Variants in FARS2 observed in about 807,000 individuals in gnomAD.
FARS2 encodes phenylalanine--tRNA ligase, mitochondrial.
FARS2 carries 40 observed loss-of-function variants against 46.4 expected under a neutral mutation model. That is an observed-to-expected ratio of 0.86 (90% CI 0.67 to 1.12). The LOEUF is 1.12. Among genes scored for constraint, FARS2 ranks in the 50% most tolerant of loss-of-function variants. FARS2 has a pLI of 0.00. For missense variants in FARS2, 513 were observed against 567.9 expected (o/e 0.90, Z 0.98); for synonymous variants, 234 against 214.9 (o/e 1.09, Z -0.78).
intron 6 of FARS2, among the ~76,000 whole-genome samples, chr6:5,756,067 A>G (rs1254871294): frequency 1.3e-5 from 2 of 152,186 alleles, no homozygotes; most frequent in Admixed American, 6.5e-5. Context: ...TAGAATACCC[A>G]CACCGGGCAG....
At chr6:5,528,666 A>AGG (rs1769625612) in intron 4 of FARS2, among the ~76,000 whole-genome samples, 2 of 152,218 alleles carry the variant, frequency 1.3e-5, no homozygotes, top group Admixed American at 1.3e-4. Flanking sequence ...TGGAAAAGCC[A>AGG]GGCACTTATG....
At chr6:5,425,113 A>T (rs1337548212) in intron 3 of FARS2, among the ~76,000 whole-genome samples, 2 of 152,210 alleles carry the variant, frequency 1.3e-5, no homozygotes, top group Non-Finnish European at 2.9e-5. Context: ...GTGTCAACTG[A>T]GGGAAAATCT....
At chr6:5,719,733 G>C (rs1415452050) in intron 6 of FARS2, among the ~76,000 whole-genome samples, 1 of 152,186 alleles carries the variant, frequency 6.6e-6, no homozygotes, top group Non-Finnish European at 1.5e-5. Context: ...ACAGAGAGAA[G>C]GTACATCTTA....
intron 4 of FARS2, among the ~76,000 whole-genome samples, chr6:5,493,760 A>G (rs1168965132): frequency 6.6e-6 from 1 of 152,262 alleles, no homozygotes; most frequent in African/African-American, 2.4e-5. Context: ...GGTCTCTTAC[A>G]TAGTAGGTGC....
At chr6:5,620,541 C>T (rs1775716265) in intron 6 of FARS2, among the ~76,000 whole-genome samples, 1 of 152,188 alleles carries the variant, frequency 6.6e-6, no homozygotes. Context: ...GTCTGAGCTT[C>T]ACTCTTTCCA....
rs116202029 is a variant in FARS2, at chr6:5,583,739, A to T, written c.1066-29430A>T. On this transcript the variant is annotated intron_variant, in intron 5 of 6. Coordinates refer to ENST00000274680, the MANE Select transcript of FARS2 (RefSeq NM_006567.5). ...TAGATAACAGGCCTAAGGCCACAGG[A>T]CTCTGAAAGTAAGTGAGGAAGCCAG... 8.0e-3 allele frequency among the ~76,000 whole-genome samples: 1,216 copies of T among 152,220 alleles called. 15 individuals are homozygous for T. Among genetic ancestry groups the T allele is most frequent in the African/African-American group, 0.028 (1,151 of 41,530 alleles).
At chr6:5,502,546 A>G (rs2150384001) in intron 4 of FARS2, among the ~76,000 whole-genome samples, 1 of 152,384 alleles carries the variant, frequency 6.6e-6, no homozygotes, top group South Asian at 2.1e-4. Flanking sequence ...CATAAAAGTC[A>G]GAACAGTATC....
intron 4 of FARS2, among the ~76,000 whole-genome samples, chr6:5,533,304 T>A (rs1769980167): frequency 6.6e-6 from 1 of 152,220 alleles, no homozygotes; most frequent in Admixed American, 6.5e-5. Flanking sequence ...TCACTACTGT[T>A]AAATATCACT....
intron 3 of FARS2, among the ~76,000 whole-genome samples, chr6:5,405,522 C>G (rs544070311): frequency 1.8e-5 from 2 of 110,408 alleles, no homozygotes; most frequent in East Asian, 2.7e-4. Flanking sequence ...GAGTCTCGCT[C>G]TGTCTCCCAG....
At position 5,329,620 on chromosome 6, in the gene FARS2, GTTA is replaced by G. The variant is rs199618203; in HGVS notation, c.-21-38928_-21-38926del. Among the ~76,000 whole-genome samples, 833 of 152,282 alleles carry G rather than the reference GTTA, an allele frequency of 5.5e-3. 11 individuals carry two copies. Among genetic ancestry groups the G allele is most frequent in the African/African-American group, 0.019 (799 of 41,550 alleles). On this transcript the variant is annotated intron_variant, in intron 1 of 6. Transcript: ENST00000274680. The stretch of plus-strand genomic sequence containing the variant: ...AGTAGAATCTCCAGTTAAATCCCAT[GTTA>G]TCACCTGCAGTTTTGACCAACCAGC...
intron 5 of FARS2, among the ~76,000 whole-genome samples, chr6:5,582,409 C>T (rs1041284455): frequency 6.6e-6 from 1 of 152,240 alleles, no homozygotes; most frequent in African/African-American, 2.4e-5. Flanking sequence ...CCCACGGTGG[C>T]TATGCTGAAT....
At chr6:5,254,198 C>A in the FARS2 span, among the ~76,000 whole-genome samples, 1 of 152,220 alleles carries the variant, frequency 6.6e-6, no homozygotes, top group Non-Finnish European at 1.5e-5. Flanking sequence ...CCCTTGACTG[C>A]ATGTCACAAA....
intron 2 of FARS2, among the ~76,000 whole-genome samples, chr6:5,390,127 G>A (rs1760406321): frequency 6.6e-6 from 1 of 152,130 alleles, no homozygotes. Context: ...GCCTCCCAAA[G>A]TGCTGGGATT....
chr6:5,388,863 T>A (rs917177873), intron 2 of FARS2, among the ~76,000 whole-genome samples: 31 of 152,272 alleles, frequency 2.0e-4, no homozygotes, highest in South Asian at 2.1e-4. Context: ...GGAACTTTGC[T>A]CTCTGGTATC....
intron 6 of FARS2, among the ~76,000 whole-genome samples, chr6:5,717,933 T>TGGAGAGAGAGAGAGAGAG (rs1554128878): frequency 1.9e-4 from 24 of 128,240 alleles, no homozygotes; most frequent in Non-Finnish European, 3.3e-4. Context: ...TATATATATA[T>TGGAGAGAGAGAGAGAGAG]ATACAGAGTC....
intron 5 of FARS2, among the ~76,000 whole-genome samples, chr6:5,612,667 A>G (rs1775253316): frequency 6.6e-6 from 1 of 152,228 alleles, no homozygotes; most frequent in African/African-American, 2.4e-5. Flanking sequence ...TTGAAAAATA[A>G]TTCCCCAAGG....
intron 6 of FARS2, among the ~76,000 whole-genome samples, chr6:5,686,057 A>G (rs1037980091): frequency 1.3e-5 from 2 of 152,124 alleles, no homozygotes; most frequent in African/African-American, 2.4e-5. Flanking sequence ...CACGCCCAAG[A>G]AAGACTGGTG....
chr6:5,679,659 T>G (rs1360698533), intron 6 of FARS2, among the ~76,000 whole-genome samples: 1 of 152,208 alleles, frequency 6.6e-6, no homozygotes, highest in Non-Finnish European at 1.5e-5. Flanking sequence ...CATTGCAGTT[T>G]TGACAGTTTA....
chr6:5,315,738 T>TTTCTTTTTTTCTTTCTTTC, intron 1 of FARS2, among the ~76,000 whole-genome samples: 4 of 125,154 alleles, frequency 3.2e-5, no homozygotes, highest in East Asian at 4.9e-4. Flanking sequence ...TTCTTTCTTT[T>TTTCTTTTTTTCTTTCTTTC]TTCCTTTCTT....
Sources: allele counts gnomAD v4.1 joint callset (sites outside exome capture counted in the v4.1 genomes callset), GRCh38; gene constraint gnomAD v4.1.1; transcripts MANE v1.5; gene names NCBI Gene and HGNC (gene_info 2026-07-23, HGNC 2026-07-21).